The following ZNF334 variants were observed in gnomAD, a reference collection of about 807,000 sequenced individuals.
The protein encoded by ZNF334 is zinc finger protein 334.
Under a neutral mutation model 12.4 loss-of-function variants are expected in ZNF334, and 14 were observed. The observed-to-expected ratio is 1.13, with a 90% CI of 0.74 to 1.76. The LOEUF is 1.76. Ranked by LOEUF, ZNF334 falls within the 40% of genes most tolerant of loss-of-function variation. The pLI is 0.00. For synonymous variants in ZNF334, 273 were observed against 269.6 expected (o/e 1.01, Z -0.12); for missense variants, 797 against 804.5 (o/e 0.99, Z 0.11).
chr20:46,485,827 C>T, the ZNF334 span, among the ~76,000 whole-genome samples: 1 of 152,278 alleles, frequency 6.6e-6, no homozygotes, highest in East Asian at 1.9e-4. Context: ...GAATTGTTCA[C>T]AAGAATTCCA....
the ZNF334 span, chr20:46,481,117 C>A: frequency 6.6e-6 from 1 of 152,146 alleles, no homozygotes; most frequent in South Asian, 2.1e-4. Flanking sequence ...TCCCTGAGAA[C>A]AGGAGGTGAA....
chr20:46,504,140 G>A, intron 4 of ZNF334, 74 bp downstream of exon 4: 1 of 1,016,212 alleles, frequency 9.8e-7, no homozygotes, highest in Non-Finnish European at 1.4e-6. Flanking sequence ...ACATTACGAT[G>A]CCAACTATTA....
the ZNF334 span, among the ~76,000 whole-genome samples, chr20:46,473,782 G>C: frequency 6.6e-6 from 1 of 152,214 alleles, no homozygotes; most frequent in Admixed American, 6.5e-5. Flanking sequence ...GTACAGGGTG[G>C]CTATAAAGTT....
the ZNF334 span, among the ~76,000 whole-genome samples, chr20:46,489,315 C>T: frequency 5.4e-3 from 818 of 152,180 alleles, 12 homozygotes; most frequent in African/African-American, 0.019. Context: ...ATTCTCCAAC[C>T]TGCTATTTCA....
chr20:46,469,110 CATTTT>C, the ZNF334 span, among the ~76,000 whole-genome samples: 1 of 152,102 alleles, frequency 6.6e-6, no homozygotes, highest in African/African-American at 2.4e-5. Flanking sequence ...AACATGTACT[CATTTT>C]ATTTGATATA....
intron 2 of ZNF334, 26 bp downstream of exon 2, chr20:46,512,056 G>T: frequency 1.2e-6 from 2 of 1,611,540 alleles, no homozygotes; most frequent in South Asian, 2.2e-5. Context: ...TGTATAATGT[G>T]AGAAGTAAAT....
At chr20:46,488,911 A>G in the ZNF334 span, among the ~76,000 whole-genome samples, 1 of 151,432 alleles carries the variant, frequency 6.6e-6, no homozygotes. Context: ...TGCCATGTAC[A>G]TAACGTCTTT....
At chr20:46,508,442 T>C (rs745932802) in intron 2 of ZNF334, among the ~76,000 whole-genome samples, 1 of 152,216 alleles carries the variant, frequency 6.6e-6, no homozygotes, top group Admixed American at 6.5e-5. Context: ...GAATGGGTCC[T>C]GTGACGAGAT....
chr20:46,487,060 C>A, the ZNF334 span, among the ~76,000 whole-genome samples: 1 of 152,042 alleles, frequency 6.6e-6, no homozygotes. Context: ...TCCTGTCAAT[C>A]TGTCATTTGC....
chr20:46,463,187 C>T, the ZNF334 span, among the ~76,000 whole-genome samples: 2 of 152,174 alleles, frequency 1.3e-5, no homozygotes, highest in African/African-American at 4.8e-5. Flanking sequence ...GGGGAGGTTG[C>T]AGTGAGCCGA....
chr20:46,509,511 C>G lies in ZNF334; in HGVS notation c.21+2571G>C, dbSNP rs1270604738. The G allele has an allele frequency of 4.3e-6, 3 of 695,992 alleles. No homozygotes were observed. The African/African-American group carries it at 5.2e-5, about 12-fold the overall frequency. The allele number at this position is 695,992 out of a possible 1,614,324, so 43.1% of individuals were successfully genotyped here. ...AGGAGCATGGGGTCAGCACGTGGGT[C>G]AGCACATGGGACATCTCTGGGAGGA... On this transcript the variant is annotated intron_variant, in intron 2 of 4. Coordinates refer to ENST00000692313, the MANE Select transcript of ZNF334 (RefSeq NM_001353824.2).
At chr20:46,497,412 A>G (rs1323204519), downstream of ZNF334, among the ~76,000 whole-genome samples, 1 of 152,242 alleles carries the variant, frequency 6.6e-6, no homozygotes, top group Non-Finnish European at 1.5e-5. Flanking sequence ...CCATAGGCAA[A>G]CCGTTAACAT....
At chr20:46,508,270 A>C (rs1220771939) in intron 2 of ZNF334, among the ~76,000 whole-genome samples, 1 of 152,252 alleles carries the variant, frequency 6.6e-6, no homozygotes, top group Non-Finnish European at 1.5e-5. Flanking sequence ...TACTACTATG[A>C]GCAGGGATAT....
intron 2 of ZNF334, chr20:46,506,567 G>C (rs537507141): frequency 5.3e-6 from 2 of 380,642 alleles, no homozygotes; most frequent in South Asian, 2.7e-4. Flanking sequence ...AGTGAGCTCA[G>C]ATTGTGCCAC....
At chr20:46,471,350 A>G in the ZNF334 span, among the ~76,000 whole-genome samples, 7 of 152,208 alleles carry the variant, frequency 4.6e-5, no homozygotes, top group Non-Finnish European at 7.3e-5. Context: ...TATATACAGT[A>G]TAAGAATACT....
At chr20:46,465,880 AG>A in the ZNF334 span, among the ~76,000 whole-genome samples, 1 of 152,050 alleles carries the variant, frequency 6.6e-6, no homozygotes, top group African/African-American at 2.4e-5. Flanking sequence ...GCATGTATCC[AG>A]GAGGTGGAGC....
At chr20:46,470,591 A>C in the ZNF334 span, among the ~76,000 whole-genome samples, 1 of 152,156 alleles carries the variant, frequency 6.6e-6, no homozygotes, top group Non-Finnish European at 1.5e-5. Context: ...GATAAACACT[A>C]TATTTTTATG....
At position 46,501,600 on chromosome 20, in the gene ZNF334, G is replaced by GT. The variant is rs778333412; in HGVS notation, c.1738dup (p.Thr580AsnfsTer10). On this transcript the variant is annotated frameshift_variant, in exon 5 of 5. Coordinates refer to ENST00000692313, the MANE Select transcript of ZNF334 (RefSeq NM_001353824.2). LOFTEE classifies it low-confidence loss of function (END_TRUNC). Reference sequence around the variant, plus strand: ...AACAAAGGAGAACTTCTGACAGAAGGTTTTCCCACATTCATTACACTCATA... The same window carrying GT: ...AACAAAGGAGAACTTCTGACAGAAGGTTTTTCCCACATTCATTACACTCATA... The GT allele has an allele frequency of 3.7e-6, 6 of 1,614,094 alleles. No individual in the cohort carries two copies. Among genetic ancestry groups the GT allele is most frequent in the Non-Finnish European group, 5.1e-6 (6 of 1,179,984 alleles).
the ZNF334 span, among the ~76,000 whole-genome samples, chr20:46,490,537 T>C: frequency 6.6e-6 from 1 of 152,238 alleles, no homozygotes; most frequent in Non-Finnish European, 1.5e-5. Context: ...TTCTTTAAGC[T>C]TTTCTGTTTT....
Sources: allele counts gnomAD v4.1 joint callset (sites outside exome capture counted in the v4.1 genomes callset), GRCh38; gene constraint gnomAD v4.1.1; transcripts MANE v1.5; gene names NCBI Gene and HGNC (gene_info 2026-07-23, HGNC 2026-07-21).